The following LRRC37A2 variants were observed in gnomAD, a reference collection of about 807,000 sequenced individuals.
The protein encoded by LRRC37A2 is leucine-rich repeat-containing protein 37A2.
In LRRC37A2, 9 loss-of-function variants were observed where a neutral mutation model predicts 68.8. The ratio of observed to expected loss-of-function variants is 0.13; its 90% CI spans 0.08 to 0.23. The LOEUF (loss-of-function observed/expected upper bound fraction) is 0.23. Ranked by LOEUF, LRRC37A2 falls within the 10% of genes least tolerant of loss-of-function variation. The pLI, the probability that LRRC37A2 is intolerant of heterozygous loss-of-function variation, is 1.00. For missense variants in LRRC37A2, 168 were observed against 950.4 expected (o/e 0.18, Z 10.82); for synonymous variants, 63 against 367.6 (o/e 0.17, Z 9.48).
the LRRC37A2 span, among the ~76,000 whole-genome samples, chr17:46,965,794 T>C: frequency 1.3e-5 from 2 of 149,648 alleles, no homozygotes; most frequent in Admixed American, 6.8e-5. Flanking sequence ...AGCTAATTTT[T>C]GTATTTTTTT....
chr17:46,766,892 T>C, the LRRC37A2 span, among the ~76,000 whole-genome samples: 1 of 152,262 alleles, frequency 6.6e-6, no homozygotes, highest in Non-Finnish European at 1.5e-5. Flanking sequence ...AACCAAGCCC[T>C]GTCCTCGGTG....
chr17:46,980,371 C>CT, the LRRC37A2 span, among the ~76,000 whole-genome samples: 94 of 146,562 alleles, frequency 6.4e-4, no homozygotes, highest in African/African-American at 2.3e-3. Flanking sequence ...TCTTTCTCTT[C>CT]TTCTTTCTCT....
the LRRC37A2 span, among the ~76,000 whole-genome samples, chr17:46,847,994 G>GTGTA: frequency 6.7e-6 from 1 of 150,154 alleles, no homozygotes; most frequent in Non-Finnish European, 1.5e-5. Flanking sequence ...GTGTGTGTGT[G>GTGTA]TGCACGTGCA....
the LRRC37A2 span, among the ~76,000 whole-genome samples, chr17:46,986,513 C>T: frequency 1.2e-3 from 178 of 152,290 alleles, 2 homozygotes; most frequent in African/African-American, 3.9e-3. Context: ...AAAAAACAAG[C>T]CTGGAGGAAG....
chr17:46,803,129 A>C, the LRRC37A2 span, among the ~76,000 whole-genome samples: 2 of 152,250 alleles, frequency 1.3e-5, no homozygotes, highest in Non-Finnish European at 2.9e-5. Flanking sequence ...CAGAATTGAC[A>C]GCTTGCTTGG....
At chr17:46,858,188 C>T in the LRRC37A2 span, among the ~76,000 whole-genome samples, 1 of 152,182 alleles carries the variant, frequency 6.6e-6, no homozygotes, top group African/African-American at 2.4e-5. Flanking sequence ...CCTCGGCCTC[C>T]CAAAGTGCTG....
At chr17:46,818,844 C>T in the LRRC37A2 span, 1 of 558,496 alleles carries the variant, frequency 1.8e-6, no homozygotes, top group Non-Finnish European at 3.2e-6. Context: ...GCCTGTCAAT[C>T]ACGCGCCCCT....
chr17:46,868,434 A>T, the LRRC37A2 span, among the ~76,000 whole-genome samples: 2 of 152,034 alleles, frequency 1.3e-5, no homozygotes, highest in South Asian at 4.2e-4. Flanking sequence ...TCTACTAAAA[A>T]TACACAAAAA....
the LRRC37A2 span, among the ~76,000 whole-genome samples, chr17:46,950,811 C>T: frequency 6.6e-6 from 1 of 152,172 alleles, no homozygotes; most frequent in African/African-American, 2.4e-5. Context: ...GTTCCAAATC[C>T]CAGAACAGAG....
chr17:47,021,958 C>T, the LRRC37A2 span: 1 of 1,476,776 alleles, frequency 6.8e-7, no homozygotes, highest in Non-Finnish European at 9.4e-7. Flanking sequence ...AAAAAGCTAA[C>T]TGCATTGTAA....
chr17:46,736,917 A>C, the LRRC37A2 span, among the ~76,000 whole-genome samples: 1 of 152,366 alleles, frequency 6.6e-6, no homozygotes, highest in South Asian at 2.1e-4. Context: ...CATGCTCCCC[A>C]TCTAAACTTA....
At chr17:46,962,480 C>G in the LRRC37A2 span, among the ~76,000 whole-genome samples, 1 of 152,142 alleles carries the variant, frequency 6.6e-6, no homozygotes, top group Non-Finnish European at 1.5e-5. Flanking sequence ...CAGGATGTGG[C>G]AGAAGAGAAA....
At chr17:47,042,291 A>C in the LRRC37A2 span, among the ~76,000 whole-genome samples, 1 of 148,986 alleles carries the variant, frequency 6.7e-6, no homozygotes, top group Non-Finnish European at 1.5e-5. Context: ...CCCGGGTTCA[A>C]GCAATTCTCC....
chr17:47,030,208 A>G, the LRRC37A2 span, among the ~76,000 whole-genome samples: 1 of 150,688 alleles, frequency 6.6e-6, no homozygotes, highest in African/African-American at 2.4e-5. Context: ...ATAAAAATTA[A>G]TGAATTCACT....
At chr17:46,870,098 A>G in the LRRC37A2 span, among the ~76,000 whole-genome samples, 1 of 152,226 alleles carries the variant, frequency 6.6e-6, no homozygotes, top group Non-Finnish European at 1.5e-5. Context: ...CATTTGAGGC[A>G]GGTCTTGAAG....
At chr17:46,980,832 C>G in the LRRC37A2 span, among the ~76,000 whole-genome samples, 182 of 149,358 alleles carry the variant, frequency 1.2e-3, 1 homozygote, top group African/African-American at 4.4e-3. Context: ...GACTCCGTCT[C>G]AAAAAAAATA....
chr17:46,721,517 G>T, the LRRC37A2 span: 1 of 991,682 alleles, frequency 1.0e-6, no homozygotes. Context: ...TAATAGAACT[G>T]GGCTGACTAT....
At chr17:46,495,012 TA>T in the LRRC37A2 span, among the ~76,000 whole-genome samples, 1 of 149,758 alleles carries the variant, frequency 6.7e-6, no homozygotes, top group Non-Finnish European at 1.5e-5. Context: ...TTCTACTGCC[TA>T]TCTCCATGAA....
At chr17:46,630,892 T>C in the LRRC37A2 span, among the ~76,000 whole-genome samples, 1 of 136,018 alleles carries the variant, frequency 7.4e-6, no homozygotes, top group Non-Finnish European at 1.5e-5. Context: ...TTAAACCAGC[T>C]TTTCTTCTGC....
Sources: allele counts gnomAD v4.1 joint callset (sites outside exome capture counted in the v4.1 genomes callset), GRCh38; gene constraint gnomAD v4.1.1; transcripts MANE v1.5; gene names NCBI Gene and HGNC (gene_info 2026-07-23, HGNC 2026-07-21).